RFPL1: variants seen among roughly 807,000 people sequenced by gnomAD.
RFPL1 encodes the protein ret finger protein-like 1.
Under a neutral mutation model 9.6 loss-of-function variants are expected in RFPL1, and 6 were observed. The observed-to-expected ratio is 0.62, with a 90% confidence interval of 0.34 to 1.23. The LOEUF is 1.23. RFPL1 is among the 50% of genes most tolerant of loss of function. The pLI is 0.03. For synonymous variants in RFPL1, 145 were observed against 149.4 expected (o/e 0.97, Z 0.22); for missense variants, 352 against 398.4 (o/e 0.88, Z 0.99).
chr22:29,415,746 A>T, the RFPL1 span, among the ~76,000 whole-genome samples: 1 of 152,266 alleles, frequency 6.6e-6, no homozygotes, highest in Non-Finnish European at 1.5e-5. Context: ...TTAAGGGCTT[A>T]CAACTCTAAG....
chr22:29,442,258 C>G, exon 2 of RFPL1: 1 of 579,108 alleles, frequency 1.7e-6, no homozygotes, highest in Non-Finnish European at 2.8e-6. Context: ...TATACTTAAT[C>G]TAATTTGATT....
chr22:29,410,411 A>C, the RFPL1 span, among the ~76,000 whole-genome samples: 9 of 93,528 alleles, frequency 9.6e-5, no homozygotes, highest in East Asian at 6.9e-4. Flanking sequence ...ATATATCTAT[A>C]TATATAGATA....
the RFPL1 span, among the ~76,000 whole-genome samples, chr22:29,410,285 T>TATATATGTAGATATATATCTATATATAG: frequency 9.1e-3 from 890 of 97,512 alleles, 82 homozygotes; most frequent in East Asian, 0.047. Flanking sequence ...TATATAGATC[T>TATATATGTAGATATATATCTATATATAG]ATATATATGT....
chr22:29,425,100 A>T, the RFPL1 span, among the ~76,000 whole-genome samples: 1 of 149,068 alleles, frequency 6.7e-6, no homozygotes, highest in Non-Finnish European at 1.5e-5. Context: ...GCTACTCGGG[A>T]GGCTGAGGCA....
At chr22:29,414,663 T>G in the RFPL1 span, among the ~76,000 whole-genome samples, 1 of 152,178 alleles carries the variant, frequency 6.6e-6, no homozygotes, top group Non-Finnish European at 1.5e-5. Flanking sequence ...CTCCTAGGTC[T>G]GGTCAGACCT....
At chr22:29,421,867 C>G in the RFPL1 span, among the ~76,000 whole-genome samples, 2 of 152,134 alleles carry the variant, frequency 1.3e-5, no homozygotes, top group African/African-American at 4.8e-5. Flanking sequence ...TTGAGCAACA[C>G]CAGGTCAGAG....
At chr22:29,397,338 TCA>T in the RFPL1 span, among the ~76,000 whole-genome samples, 1 of 152,282 alleles carries the variant, frequency 6.6e-6, no homozygotes, top group South Asian at 2.1e-4. Context: ...ATACACTGAT[TCA>T]GGTCTTCAAC....
At chr22:29,441,808 G>A (rs1344198314) in exon 2 of RFPL1, 2 of 1,613,822 alleles carry the variant, frequency 1.2e-6, no homozygotes, top group African/African-American at 2.7e-5. Flanking sequence ...CACAGAGCGT[G>A]GATTCTGGAC....
the RFPL1 span, among the ~76,000 whole-genome samples, chr22:29,432,580 A>C: frequency 6.6e-6 from 1 of 152,302 alleles, no homozygotes; most frequent in East Asian, 1.9e-4. Context: ...TTAGTCTCAA[A>C]GTGTGGCGTT....
the RFPL1 span, among the ~76,000 whole-genome samples, chr22:29,421,377 G>C: frequency 2.0e-5 from 3 of 151,926 alleles, no homozygotes; most frequent in Non-Finnish European, 4.4e-5. Flanking sequence ...GCTGCAGTGA[G>C]CAGAGATCTT....
At chr22:29,409,051 C>T in the RFPL1 span, among the ~76,000 whole-genome samples, 5 of 151,980 alleles carry the variant, frequency 3.3e-5, no homozygotes, top group Non-Finnish European at 5.9e-5. Context: ...AGCCCAGCGT[C>T]AAGTCTGTAC....
At chr22:29,401,488 C>G in the RFPL1 span, among the ~76,000 whole-genome samples, 1 of 152,236 alleles carries the variant, frequency 6.6e-6, no homozygotes, top group East Asian at 1.9e-4. Flanking sequence ...CATTCTCTGT[C>G]TAGGGGAGAA....
chr22:29,419,734 C>G, the RFPL1 span, among the ~76,000 whole-genome samples: 3 of 147,972 alleles, frequency 2.0e-5, no homozygotes, highest in Non-Finnish European at 1.5e-5. Flanking sequence ...GGCCAGAGGT[C>G]GAGGCTGCCA....
At chr22:29,425,151 C>CTGA in the RFPL1 span, among the ~76,000 whole-genome samples, 3 of 149,326 alleles carry the variant, frequency 2.0e-5, no homozygotes, top group Admixed American at 2.0e-4. Context: ...TTGCAGTGAG[C>CTGA]CGAGATTGCG....
At chr22:29,441,342 T>A in intron 1 of RFPL1, 200 bp from the exon 2 acceptor site, 1 of 601,262 alleles carries the variant, frequency 1.7e-6, no homozygotes. Context: ...CTACTGTGAA[T>A]AAGAGTTGGG....
At chr22:29,410,420 T>TCTATATATTGTAG in the RFPL1 span, among the ~76,000 whole-genome samples, 1 of 81,684 alleles carries the variant, frequency 1.2e-5, no homozygotes, top group East Asian at 3.7e-4. Context: ...TATATATAGA[T>TCTATATATTGTAG]ATATATATTG....
the RFPL1 span, among the ~76,000 whole-genome samples, chr22:29,408,887 A>G: frequency 6.6e-6 from 1 of 152,198 alleles, no homozygotes; most frequent in Non-Finnish European, 1.5e-5. Flanking sequence ...TTCCACAAGC[A>G]TCCTCTATGC....
the RFPL1 span, among the ~76,000 whole-genome samples, chr22:29,430,883 A>G: frequency 6.6e-6 from 1 of 152,226 alleles, no homozygotes; most frequent in African/African-American, 2.4e-5. Context: ...ATCAACACCC[A>G]TAATATACAT....
chr22:29,393,261 G>A, the RFPL1 span, among the ~76,000 whole-genome samples: 1 of 152,248 alleles, frequency 6.6e-6, no homozygotes, highest in East Asian at 1.9e-4. Context: ...TTCCATGACA[G>A]TTCCATGACT....
Sources: gnomAD v4.1 joint callset for allele counts (sites outside exome capture counted in the v4.1 genomes callset) on GRCh38, gnomAD v4.1.1 for gene constraint, MANE v1.5 for transcripts, NCBI Gene and HGNC (gene_info 2026-07-23, HGNC 2026-07-21) for gene names.